Variants in BAZ1B observed in about 807,000 individuals in gnomAD.
The protein encoded by BAZ1B is tyrosine-protein kinase BAZ1B.
A neutral mutation model predicts 153.8 loss-of-function variants in BAZ1B; 22 were observed. The ratio of observed to expected loss-of-function variants is 0.14; its 90% confidence interval spans 0.10 to 0.20. The LOEUF (loss-of-function observed/expected upper bound fraction) is 0.20, where lower values mean the gene tolerates loss of function less well. BAZ1B is among the 10% of genes least tolerant of loss of function. The probability of loss-of-function intolerance (pLI) is 1.00; values close to 1 mark genes in which losing one functional copy is unlikely to be tolerated. For missense variants in BAZ1B, 1,325 were observed against 1,799.3 expected (o/e 0.74, Z 4.77); for synonymous variants, 676 against 633.4 (o/e 1.07, Z -1.01).
At chr7:73,491,986 CTTTTTTTTTT>C (rs782649883) in intron 5 of BAZ1B, among the ~76,000 whole-genome samples, 3 of 117,260 alleles carry the variant, frequency 2.6e-5, no homozygotes, top group African/African-American at 6.8e-5. Flanking sequence ...CAGCAAAACG[CTTTTTTTTTT>C]TTTTTTTTTT....
chr7:73,494,849 G>A (rs1563392343), intron 4 of BAZ1B, among the ~76,000 whole-genome samples: 1 of 152,162 alleles, frequency 6.6e-6, no homozygotes, highest in East Asian at 1.9e-4. Context: ...AATGTTAAAG[G>A]TATTTTAACT....
intron 3 of BAZ1B, among the ~76,000 whole-genome samples, chr7:73,500,780 A>G (rs1369399636): frequency 6.6e-6 from 1 of 151,648 alleles, no homozygotes; most frequent in Non-Finnish European, 1.5e-5. Flanking sequence ...AATCCCAGCT[A>G]TTCAGGCAGC....
At chr7:73,457,865 C>T (rs1323247762) in intron 13 of BAZ1B, among the ~76,000 whole-genome samples, 1 of 152,186 alleles carries the variant, frequency 6.6e-6, no homozygotes, top group African/African-American at 2.4e-5. Context: ...AGGTAACACA[C>T]TCAGAAGCTG....
rs1360228402 is a variant in BAZ1B at position 73,508,317 on chromosome 7, A to T, written c.369+10T>A. On this transcript the variant is annotated intron_variant, in intron 3 of 19. Coordinates refer to ENST00000339594, the MANE Select transcript of BAZ1B (RefSeq NM_032408.4). Reference sequence around the variant, plus strand: ...ATGGTAAGTCAAATCAGAAACGAACAGGCACTCACCTCGAAGTCACACTCT... The same window carrying T: ...ATGGTAAGTCAAATCAGAAACGAACTGGCACTCACCTCGAAGTCACACTCT... 1 of 1,611,674 alleles carries T rather than the reference A, an allele frequency of 6.2e-7. No homozygotes were observed. Among genetic ancestry groups the T allele is most frequent in the Non-Finnish European group, 8.5e-7 (1 of 1,178,958 alleles).
intron 3 of BAZ1B, among the ~76,000 whole-genome samples, chr7:73,500,533 C>A (rs1790084329): frequency 6.6e-6 from 1 of 151,950 alleles, no homozygotes; most frequent in East Asian, 1.9e-4. Flanking sequence ...CACAGCGAGA[C>A]CTTATCTCAC....
At chr7:73,481,184 A>C (rs183233518) in intron 6 of BAZ1B, among the ~76,000 whole-genome samples, 1 of 151,616 alleles carries the variant, frequency 6.6e-6, no homozygotes, top group African/African-American at 2.4e-5. Flanking sequence ...CCGCCTCCCA[A>C]AGTGCTGGGA....
In BAZ1B at chr7:73,449,577, G is replaced by A; in HGVS notation, c.3693C>T (p.Cys1231=). The A allele has an allele frequency of 6.2e-7, 1 of 1,613,552 alleles. No individual in the cohort carries two copies. Among genetic ancestry groups the A allele is most frequent in the South Asian group, 1.1e-5 (1 of 90,924 alleles). The change falls in exon 15 of 20, where the codon TGC becomes TGT. Residue 1231 remains cysteine (C), a synonymous_variant. Coordinates refer to ENST00000339594, the MANE Select transcript of BAZ1B (RefSeq NM_032408.4). ...AGTTGCGCCTGGCAGTAGCGGGCTG[G>A]CAAGCTGGGCACTGCCACTCACCAT... ...VPDGEWQCPA[C]QPATARRNSR...
intron 13 of BAZ1B, among the ~76,000 whole-genome samples, chr7:73,459,212 C>T (rs1788307217): frequency 6.6e-6 from 1 of 150,734 alleles, no homozygotes. Context: ...TGCACCACTG[C>T]ACTCCAGCCT....
chr7:73,502,774 T>C lies in BAZ1B; in HGVS notation c.370-4076A>G, dbSNP rs144344026. On this transcript the variant is annotated intron_variant, in intron 3 of 19. Transcript: ENST00000339594. ...GCCTAGGCGACAGAGCCAGACCCTG[T>C]CTCAAAAAAGAAAAGAATATTAACA... Among the ~76,000 whole-genome samples the C allele has an allele frequency of 6.6e-5, 10 of 152,238 alleles. No homozygotes were observed. In the East Asian group the frequency reaches 1.9e-3, roughly 29 times the overall value.
At position 73,477,996 on chromosome 7, in the gene BAZ1B, C is replaced by T; in HGVS notation, c.1465G>A (p.Glu489Lys). 1 of 1,614,066 alleles carries T rather than the reference C, an allele frequency of 6.2e-7. No homozygotes were observed. The highest frequency in any genetic ancestry group is 8.5e-7 in the Non-Finnish European group (1 of 1,180,002). Residue 489 changes from glutamate (E) to lysine (K), a missense_variant, in exon 7 of 20, where the codon GAG becomes AAG. Physicochemically the swap from Glu to Lys is moderately conservative, Grantham distance 56. Coordinates refer to ENST00000339594, the MANE Select transcript of BAZ1B (RefSeq NM_032408.4). This position sits in a 1 kb window ranked among gnomAD's most constrained non-coding sequence, Gnocchi z 5.6. Reference protein sequence around the residue: ...IAYYKENKDREDKRSALSCVI... With the variant: ...IAYYKENKDRKDKRSALSCVI... ...CAGGACAGGGCGCTCCTCTTGTCCT[C>T]CCTGTCTTTGTTTTCTTTGTAGTAT...
At chr7:73,456,469 A>G (rs576946238) in intron 13 of BAZ1B, among the ~76,000 whole-genome samples, 7 of 152,330 alleles carry the variant, frequency 4.6e-5, no homozygotes, top group Admixed American at 3.3e-4. Flanking sequence ...CAAAAAATCC[A>G]ATTGAAAAAT....
At chr7:73,476,818 T>C in intron 7 of BAZ1B, 50 bp downstream of exon 7, 1 of 1,536,046 alleles carries the variant, frequency 6.5e-7, no homozygotes, top group Non-Finnish European at 8.7e-7. Context: ...TTTCCTTTCT[T>C]TTACTATCTT....
At position 73,465,454 on chromosome 7, in the gene BAZ1B, T is replaced by C. The variant is rs1788548007; in HGVS notation, c.3056A>G (p.Glu1019Gly). The C allele has an allele frequency of 6.2e-7, 1 of 1,603,734 alleles. No homozygotes were observed. The highest frequency in any genetic ancestry group is 8.5e-7 in the Non-Finnish European group (1 of 1,173,606). Residue 1019 changes from glutamate to glycine, a missense_variant, in exon 11 of 20, where the codon GAG (glutamate) becomes GGG (glycine). This residue lies in a region of BAZ1B where 431 missense variants were observed against 563.5 expected (regional missense o/e 0.76). Transcript: ENST00000339594. ...AACCTCTTACCTCTTCTCTAGTCTC[T>C]CTTTAAGTTGACTTTCTCTTATTCC... is the stretch of plus-strand genomic sequence containing the variant. ...PQGIRESQLK[E>G]RLEKRYQDII...
intron 6 of BAZ1B, among the ~76,000 whole-genome samples, chr7:73,485,517 T>C (rs1166752353): frequency 6.6e-6 from 1 of 150,964 alleles, no homozygotes; most frequent in African/African-American, 2.4e-5. Flanking sequence ...TCCTAGCTAG[T>C]CAGAAGCATG....
intron 5 of BAZ1B, among the ~76,000 whole-genome samples, chr7:73,492,183 G>A (rs1554575673): frequency 2.0e-5 from 3 of 149,194 alleles, no homozygotes; most frequent in Non-Finnish European, 1.5e-5. Context: ...TGTTTTTTGA[G>A]AAGGAATCTT....
intron 15 of BAZ1B, among the ~76,000 whole-genome samples, chr7:73,448,284 A>G (rs965074731): frequency 1.3e-5 from 2 of 152,188 alleles, no homozygotes; most frequent in Admixed American, 1.3e-4. Flanking sequence ...AGCCTGGGCA[A>G]CAAGAGCGAA....
At chr7:73,473,709 G>A (rs1290222214) in intron 7 of BAZ1B, among the ~76,000 whole-genome samples, 6 of 152,178 alleles carry the variant, frequency 3.9e-5, no homozygotes, top group Admixed American at 3.9e-4. Flanking sequence ...TATTCAAGCC[G>A]GGGTTTGGTG....
chr7:73,442,052 T>TA (rs1418837536), intron 19 of BAZ1B, 129 bp downstream of exon 19: 10 of 690,454 alleles, frequency 1.4e-5, no homozygotes, highest in Admixed American at 8.3e-5. Flanking sequence ...AAAGAGCTTT[T>TA]AGAAAAACAG....
At chr7:73,489,823 G>A (rs947486651) in intron 5 of BAZ1B, among the ~76,000 whole-genome samples, 1 of 152,108 alleles carries the variant, frequency 6.6e-6, no homozygotes, top group East Asian at 1.9e-4. Context: ...AATTTTCAGA[G>A]ACAGAATGTC....
Sources: gnomAD v4.1 joint callset for allele counts (sites outside exome capture counted in the v4.1 genomes callset) on GRCh38, gnomAD v4.1.1 for gene constraint, gnomAD v4.1.1 regional missense constraint, Gnocchi (gnomAD v3.1) non-coding constraint, MANE v1.5 for transcripts, NCBI Gene and HGNC (gene_info 2026-07-23, HGNC 2026-07-21) for gene names.